Variants in CHRM3 observed in about 807,000 individuals in gnomAD.
CHRM3 encodes the protein cholinergic receptor muscarinic 3, also known as muscarinic acetylcholine receptor M3.
In CHRM3, 11 loss-of-function variants were observed where a neutral mutation model predicts 41.8. The observed-to-expected ratio is 0.26, with a 90% CI of 0.17 to 0.44. The LOEUF (loss-of-function observed/expected upper bound fraction) is 0.44, where lower values mean the gene tolerates loss of function less well. Ranked by LOEUF, CHRM3 falls within the 20% of genes least tolerant of loss-of-function variation. CHRM3 has a pLI of 1.00. For missense variants in CHRM3, 571 were observed against 745.4 expected (o/e 0.77, Z 2.72); for synonymous variants, 297 against 301.4 (o/e 0.99, Z 0.15).
intron 5 of CHRM3, among the ~76,000 whole-genome samples, chr1:239,812,854 T>C (rs921183345): frequency 3.9e-5 from 6 of 152,244 alleles, no homozygotes; most frequent in African/African-American, 1.2e-4. Flanking sequence ...CAAGGTCACA[T>C]AGGTGGGAAA....
In CHRM3 at chr1:239,387,154, G is replaced by A. The variant is rs1164437223; in HGVS notation, c.-594G>A. ...GAGCCGGAGGAGACGAAGGGAAGGT[G>A]GAGCGGACGCCACCCGCGCACCGGG... On this transcript the variant is annotated 5_prime_UTR_variant, in exon 1 of 7. Coordinates refer to ENST00000676153, the MANE Select transcript of CHRM3 (RefSeq NM_001375978.1). This position sits in a 1 kb window ranked among gnomAD's most constrained non-coding sequence, Gnocchi z 5.1. The A allele has an allele frequency of 2.6e-5, 4 of 152,242 alleles. No individual in the cohort carries two copies. In the East Asian group the frequency reaches 5.8e-4, roughly 22 times the overall value. The allele number at this position is 152,242 out of a possible 1,614,324, so 9.4% of individuals were successfully genotyped here. A position where few individuals can be genotyped will look rare whatever the true frequency, so the allele number is the denominator to read the frequency against.
intron 3 of CHRM3, among the ~76,000 whole-genome samples, chr1:239,585,269 T>C (rs1663295099): frequency 6.6e-6 from 1 of 152,154 alleles, no homozygotes; most frequent in East Asian, 1.9e-4. Context: ...AGTTTTCTTA[T>C]GAGCTAGGTG....
chr1:239,871,672 C>A (rs1212712203), intron 6 of CHRM3, among the ~76,000 whole-genome samples: 1 of 152,136 alleles, frequency 6.6e-6, no homozygotes, highest in African/African-American at 2.4e-5. Context: ...TGCAATATGT[C>A]TCTGTCGTCA....
chr1:239,665,683 C>T (rs942934741), intron 4 of CHRM3, among the ~76,000 whole-genome samples: 1 of 152,042 alleles, frequency 6.6e-6, no homozygotes, highest in Non-Finnish European at 1.5e-5. Flanking sequence ...CCCTTGCCCC[C>T]CGACTGGCCC....
chr1:239,878,093 T>C lies in CHRM3; in HGVS notation c.-19-29340T>C, dbSNP rs544836339. ...TTTTAGTAGAGACAGGGTTTCACCA[T>C]GTTAGCCAGGATGGTCTCGATCTCC... On this transcript the variant is annotated intron_variant, in intron 6 of 6. Transcript: ENST00000676153. Among the ~76,000 whole-genome samples the C allele has an allele frequency of 4.1e-3, 626 of 152,030 alleles. 2 individuals carry two copies. Among genetic ancestry groups the C allele is most frequent in the Non-Finnish European group, 6.2e-3 (420 of 67,992 alleles).
chr1:239,749,212 A>T (rs1665608248), intron 5 of CHRM3, among the ~76,000 whole-genome samples: 1 of 152,216 alleles, frequency 6.6e-6, no homozygotes. Flanking sequence ...CTTTGAAGTA[A>T]TGATTGTAAA....
At chr1:239,610,911 G>T (rs1276979162) in intron 3 of CHRM3, among the ~76,000 whole-genome samples, 1 of 152,138 alleles carries the variant, frequency 6.6e-6, no homozygotes, top group Non-Finnish European at 1.5e-5. Flanking sequence ...AATGACCTGG[G>T]TGTGGTGGTG....
At chr1:239,502,551 A>G (rs1668306159) in intron 2 of CHRM3, among the ~76,000 whole-genome samples, 1 of 152,204 alleles carries the variant, frequency 6.6e-6, no homozygotes, top group African/African-American at 2.4e-5. Context: ...TCCACAAGGC[A>G]GAGAAAGAAG....
In CHRM3 at chr1:239,618,671, C is replaced by T. The variant is rs369506960; in HGVS notation, c.-312-13553C>T. Among the ~76,000 whole-genome samples, 1,206 of 150,818 alleles carry T rather than the reference C, an allele frequency of 8.0e-3. 13 individuals are homozygous for T. The highest frequency in any genetic ancestry group is 0.028 in the South Asian group (134 of 4,762). On this transcript the variant is annotated intron_variant, in intron 3 of 6. Transcript: ENST00000676153. Reference sequence around the variant, plus strand: ...CATCCTGGCTAACACGGTGAAACCCCGTCTCTACTAAAAATACAAAAAATT... The same window carrying T: ...CATCCTGGCTAACACGGTGAAACCCTGTCTCTACTAAAAATACAAAAAATT...
intron 5 of CHRM3, among the ~76,000 whole-genome samples, chr1:239,736,088 A>G (rs1664369090): frequency 1.3e-5 from 2 of 152,164 alleles, no homozygotes; most frequent in South Asian, 2.1e-4. Flanking sequence ...AATAGCAGCT[A>G]GTATCGACTA....
chr1:239,461,120 A>C (rs1045428181), intron 1 of CHRM3, among the ~76,000 whole-genome samples: 1 of 152,202 alleles, frequency 6.6e-6, no homozygotes, highest in Non-Finnish European at 1.5e-5. Context: ...AATGAGATTT[A>C]GTGGATTTGG....
intron 3 of CHRM3, among the ~76,000 whole-genome samples, chr1:239,605,465 A>G (rs747245775): frequency 2.0e-5 from 3 of 152,180 alleles, no homozygotes; most frequent in Non-Finnish European, 4.4e-5. Flanking sequence ...TGTTCCCATA[A>G]AGAGGAAATC....
chr1:239,733,603 A>G (rs1664155087), intron 5 of CHRM3, among the ~76,000 whole-genome samples: 1 of 152,062 alleles, frequency 6.6e-6, no homozygotes, highest in Non-Finnish European at 1.5e-5. Context: ...GAGGTATTTT[A>G]GTTTCATTAC....
rs1558196065 is a variant in CHRM3 at position 239,404,450 on chromosome 1, GAAAGAAAGAAAGAAAGAA to G, written c.-521+17240_-521+17257del. 8.6e-4 allele frequency among the ~76,000 whole-genome samples: 118 copies of G among 137,686 alleles called. 4 individuals carry two copies. Among genetic ancestry groups the G allele is most frequent in the Middle Eastern group, 7.6e-3 (2 of 264 alleles). The allele number at this position is 137,686 out of a possible 152,430, so 90.3% of individuals were successfully genotyped here. ...AGAAAGAAAGAAAGAAAGAAAGAAA[GAAAGAAAGAAAGAAAGAA>G]AAAGAAAGAAAGAAAGGAACATTTA... On this transcript the variant is annotated intron_variant, in intron 1 of 6. Coordinates refer to ENST00000676153, the MANE Select transcript of CHRM3 (RefSeq NM_001375978.1).
At chr1:239,807,997 A>G (rs1318567748) in intron 5 of CHRM3, among the ~76,000 whole-genome samples, 1 of 152,170 alleles carries the variant, frequency 6.6e-6, no homozygotes, top group Non-Finnish European at 1.5e-5. Context: ...ATGAATATTC[A>G]TTAGTTATAT....
At chr1:239,506,685 C>T (rs548487065) in intron 2 of CHRM3, among the ~76,000 whole-genome samples, 20 of 152,274 alleles carry the variant, frequency 1.3e-4, no homozygotes, top group African/African-American at 4.6e-4. Flanking sequence ...AGGGGGCCAT[C>T]GTCCTCCAGA....
chr1:239,486,750 A>G (rs1667207703), intron 1 of CHRM3, among the ~76,000 whole-genome samples: 1 of 152,124 alleles, frequency 6.6e-6, no homozygotes, highest in Non-Finnish European at 1.5e-5. Context: ...GTGTTCCTGA[A>G]CTTTCTGCTC....
intron 2 of CHRM3, among the ~76,000 whole-genome samples, chr1:239,495,600 G>A (rs1368513684): frequency 6.6e-6 from 1 of 152,092 alleles, no homozygotes; most frequent in Non-Finnish European, 1.5e-5. Flanking sequence ...ACATTTGAGA[G>A]CCAGCCTTCC....
chr1:239,396,419 T>G (rs1659482949), intron 1 of CHRM3, among the ~76,000 whole-genome samples: 1 of 152,050 alleles, frequency 6.6e-6, no homozygotes, highest in Non-Finnish European at 1.5e-5. Context: ...AAGACCAACC[T>G]GGGCAACTTA....
Sources: gnomAD v4.1 joint callset for allele counts (sites outside exome capture counted in the v4.1 genomes callset) on GRCh38, gnomAD v4.1.1 for gene constraint, Gnocchi (gnomAD v3.1) non-coding constraint, MANE v1.5 for transcripts, NCBI Gene and HGNC (gene_info 2026-07-23, HGNC 2026-07-21) for gene names.